ZNRF3: variants seen among roughly 807,000 people sequenced by gnomAD.
ZNRF3 encodes zinc and ring finger 3.
Under a neutral mutation model 72.5 loss-of-function variants are expected in ZNRF3, and 23 were observed. The observed-to-expected ratio is 0.32, with a 90% CI of 0.23 to 0.45. The LOEUF is 0.45. Among genes scored for constraint, ZNRF3 ranks in the 20% least tolerant of loss-of-function variants. ZNRF3 has a pLI of 1.00. For missense variants in ZNRF3, 1,169 were observed against 1,272.1 expected (o/e 0.92, Z 1.23); for synonymous variants, 610 against 545.3 (o/e 1.12, Z -1.65).
chr22:28,937,211 ATATATTTTTTTTTTT>A (rs1169158892), intron 1 of ZNRF3, among the ~76,000 whole-genome samples: 5 of 3,266 alleles, frequency 1.5e-3, no homozygotes, highest in East Asian at 0.018. Flanking sequence ...ATATATATAT[ATATATTTTTTTTTTT>A]TTTTTTTTTT....
intron 1 of ZNRF3, among the ~76,000 whole-genome samples, chr22:28,921,175 G>A (rs993620309): frequency 4.6e-5 from 7 of 152,046 alleles, no homozygotes; most frequent in East Asian, 1.9e-4. Flanking sequence ...GGTTCCCTCC[G>A]GTTCATTGAG....
intron 2 of ZNRF3, among the ~76,000 whole-genome samples, chr22:29,008,801 C>T (rs762647748): frequency 6.6e-6 from 1 of 152,166 alleles, no homozygotes; most frequent in Non-Finnish European, 1.5e-5. Flanking sequence ...TCGTACCACT[C>T]GCAATTGATT....
intron 1 of ZNRF3, among the ~76,000 whole-genome samples, chr22:28,909,535 G>A (rs543068189): frequency 6.8e-4 from 103 of 151,886 alleles, no homozygotes; most frequent in Non-Finnish European, 1.1e-3. Flanking sequence ...TCCTAGAAAT[G>A]TAGTTCAGTG....
intron 2 of ZNRF3, among the ~76,000 whole-genome samples, chr22:29,027,635 G>C (rs2036665577): frequency 6.6e-6 from 1 of 152,182 alleles, no homozygotes; most frequent in Non-Finnish European, 1.5e-5. Context: ...GACTCATGCT[G>C]TGTCATCATT....
intron 1 of ZNRF3, among the ~76,000 whole-genome samples, chr22:28,945,248 ACAATAAAGGGCTAG>A (rs2035032787): frequency 6.6e-6 from 1 of 152,152 alleles, no homozygotes; most frequent in African/African-American, 2.4e-5. Flanking sequence ...ACAATATCTA[ACAATAAAGGGCTAG>A]CTAAATGATA....
rs543482076 is a variant in ZNRF3, at chr22:28,972,118, G to T, written c.301-14958G>T. On this transcript the variant is annotated intron_variant, in intron 1 of 8. Coordinates refer to ENST00000544604, the MANE Select transcript of ZNRF3 (RefSeq NM_001206998.2). Reference sequence around the variant, plus strand: ...AATTCTTTAATAACAGCTTTATTGAGATATAATTCACATACCATATAATTC... The same window carrying T: ...AATTCTTTAATAACAGCTTTATTGATATATAATTCACATACCATATAATTC... Among the ~76,000 whole-genome samples, 4 of 152,222 alleles carry T rather than the reference G, an allele frequency of 2.6e-5. No homozygotes were observed. The East Asian group carries it at 7.7e-4, about 29-fold the overall frequency.
At chr22:28,922,302 T>C (rs2034525162) in intron 1 of ZNRF3, among the ~76,000 whole-genome samples, 7 of 152,224 alleles carry the variant, frequency 4.6e-5, no homozygotes. Context: ...TGTGTAATTT[T>C]GCTGGCAAAC....
intron 2 of ZNRF3, among the ~76,000 whole-genome samples, chr22:29,009,256 A>G (rs753653568): frequency 6.6e-6 from 1 of 152,166 alleles, no homozygotes; most frequent in Non-Finnish European, 1.5e-5. Flanking sequence ...CAAGAAGGAA[A>G]TTCCAGCAGT....
At chr22:28,942,237 G>A (rs1314762198) in intron 1 of ZNRF3, among the ~76,000 whole-genome samples, 1 of 152,332 alleles carries the variant, frequency 6.6e-6, no homozygotes. Flanking sequence ...GTGATGTGAC[G>A]CGATGCCGAT....
chr22:29,004,845 T>A (rs1289151714), intron 2 of ZNRF3, among the ~76,000 whole-genome samples: 16 of 152,148 alleles, frequency 1.1e-4, no homozygotes, highest in Admixed American at 1.0e-3. Context: ...ACTGATCTGA[T>A]GAGGTGCTGA....
intron 2 of ZNRF3, among the ~76,000 whole-genome samples, chr22:29,011,537 A>T (rs903610815): frequency 6.6e-6 from 1 of 152,248 alleles, no homozygotes; most frequent in Non-Finnish European, 1.5e-5. Context: ...TCGCAAGTTT[A>T]AAAAAATTTA....
chr22:29,044,477 C>A (rs752422251), intron 4 of ZNRF3, among the ~76,000 whole-genome samples: 3 of 152,232 alleles, frequency 2.0e-5, no homozygotes, highest in Non-Finnish European at 2.9e-5. Flanking sequence ...TTTGGAAGGG[C>A]CTTTCTTACC....
At chr22:28,933,750 TCA>T (rs1394668589) in intron 1 of ZNRF3, among the ~76,000 whole-genome samples, 10 of 6,698 alleles carry the variant, frequency 1.5e-3, no homozygotes, top group Admixed American at 3.6e-3. Flanking sequence ...ACACACACAC[TCA>T]CTCTCTCTCT....
At chr22:28,978,648 A>G (rs2035714756) in intron 1 of ZNRF3, among the ~76,000 whole-genome samples, 1 of 152,220 alleles carries the variant, frequency 6.6e-6, no homozygotes, top group Non-Finnish European at 1.5e-5. Context: ...CTGTTTATAA[A>G]AAGACAAAGC....
intron 2 of ZNRF3, among the ~76,000 whole-genome samples, chr22:28,998,629 C>A (rs2036088886): frequency 6.6e-6 from 1 of 151,984 alleles, no homozygotes; most frequent in African/African-American, 2.4e-5. Flanking sequence ...TTGAAAGTCA[C>A]AAAATTTTAA....
At chr22:28,996,331 G>A (rs889525246) in intron 2 of ZNRF3, among the ~76,000 whole-genome samples, 1 of 152,198 alleles carries the variant, frequency 6.6e-6, no homozygotes, top group South Asian at 2.1e-4. Context: ...ATCATTGTGT[G>A]TAGTGACTTC....
In ZNRF3 at chr22:29,049,662, G is replaced by T. The variant is rs1214956264; in HGVS notation, c.1481G>T (p.Gly494Val). ...GQSPPSLAPR[G>V]PARAFPPSGS... ...TCCCCACCTAGCCTCGCACCCCGGG[G>T]CCCGGCCCGTGCCTTTCCTCCGAGC... The change falls in exon 8 of 9, where the codon GGC (glycine) becomes GTC (valine). Residue 494 changes from glycine (G) to valine (V), a missense_variant. By Grantham distance (109) the Gly-to-Val change is moderately radical. Transcript: ENST00000544604. The surrounding 1 kb of genome is among the most constrained non-coding windows in gnomAD (Gnocchi z 5.2). 1 of 1,609,082 alleles carries T rather than the reference G, an allele frequency of 6.2e-7. No individual in the cohort carries two copies. Among genetic ancestry groups the T allele is most frequent in the East Asian group, 2.2e-5 (1 of 44,846 alleles).
At position 28,883,989 on chromosome 22, in the gene ZNRF3, A is replaced by G. The variant is rs1347194048; in HGVS notation, c.223A>G (p.Thr75Ala). 3.0e-5 allele frequency: 39 copies of G among 1,319,206 alleles called. No individual in the cohort carries two copies. Among genetic ancestry groups the G allele is most frequent in the Non-Finnish European group, 3.6e-5 (37 of 1,017,298 alleles). The allele number at this position is 1,319,206 out of a possible 1,614,324, so 81.7% of individuals were successfully genotyped here. A position where few individuals can be genotyped will look rare whatever the true frequency, so the allele number is the denominator to read the frequency against. ...LFESSPSGDY[T>A]TYTTGLTGRF... ...CGAGTCGAGCCCAAGCGGCGATTAC[A>G]CCACCTACACCACCGGCCTCACGGG... Residue 75 changes from threonine to alanine, a missense_variant, in exon 1 of 9, where the codon ACC becomes GCC. Transcript: ENST00000544604. The surrounding 1 kb of genome is among the most constrained non-coding windows in gnomAD (Gnocchi z 5.5).
intron 1 of ZNRF3, among the ~76,000 whole-genome samples, chr22:28,973,128 A>G (rs28377250): frequency 5.9e-5 from 9 of 152,164 alleles, no homozygotes; most frequent in African/African-American, 1.7e-4. Flanking sequence ...ACAGGCGTGT[A>G]CCACCACACC....
Sources: allele counts gnomAD v4.1 joint callset (sites outside exome capture counted in the v4.1 genomes callset), GRCh38; gene constraint gnomAD v4.1.1; non-coding constraint Gnocchi (gnomAD v3.1); transcripts MANE v1.5; gene names NCBI Gene and HGNC (gene_info 2026-07-23, HGNC 2026-07-21).